The following LIMS2 variants were observed in gnomAD, a reference collection of about 807,000 sequenced individuals.
The protein encoded by LIMS2 is LIM and senescent cell antigen-like-containing domain protein 2.
A neutral mutation model predicts 45.3 loss-of-function variants in LIMS2; 30 were observed. That is an observed-to-expected ratio of 0.66 (90% CI 0.50 to 0.90). The LOEUF (loss-of-function observed/expected upper bound fraction) is 0.90, where lower values mean the gene tolerates loss of function less well. Ranked by LOEUF, LIMS2 falls within the 40% of genes least tolerant of loss-of-function variation. LIMS2 has a pLI of 0.00. For missense variants in LIMS2, 485 were observed against 468.7 expected, an observed-to-expected ratio of 1.03 and a Z score of -0.32; for synonymous variants, 173 against 188.0, an observed-to-expected ratio of 0.92 and a Z score of 0.65.
chr2:127,664,469 GGCC>G lies in LIMS2; in HGVS notation c.12-6910_12-6908del. 1 of 1,179,080 alleles carries G rather than the reference GGCC, an allele frequency of 8.5e-7. No individual in the cohort carries two copies. The highest frequency in any genetic ancestry group is 1.0e-6 in the Non-Finnish European group (1 of 954,186). 73.0% of individuals were successfully genotyped at this position (1,179,080 alleles called of 1,614,324 possible). On this transcript the variant is annotated intron_variant, in intron 1 of 9. Transcript: ENST00000355119. This position sits in a 1 kb window ranked among gnomAD's most constrained non-coding sequence, Gnocchi z 5.5. ...TGGGACCACCTCGGAGGGGAGGCGC[GGCC>G]GCCTGGGGCCAGACACCAAGACGGG...
chr2:127,674,660 G>C (rs1234434462), intron 1 of LIMS2: 3 of 984,270 alleles, frequency 3.0e-6, no homozygotes, highest in Non-Finnish European at 3.6e-6. Context: ...GGGGAAGTTG[G>C]GGGAGGCACG....
upstream of LIMS2, among the ~76,000 whole-genome samples, chr2:127,677,507 G>C (rs543561068): frequency 1.3e-5 from 2 of 152,060 alleles, no homozygotes; most frequent in Non-Finnish European, 2.9e-5. This position sits in a 1 kb window ranked among gnomAD's most constrained non-coding sequence, Gnocchi z 5.0. Flanking sequence ...AAAGCATTCC[G>C]GCAGAACAGC....
chr2:127,662,462 G>C (rs1684731587), intron 1 of LIMS2, among the ~76,000 whole-genome samples: 1 of 151,996 alleles, frequency 6.6e-6, no homozygotes, highest in Non-Finnish European at 1.5e-5. Flanking sequence ...CCAGAGGCCA[G>C]TGTCGGGTCA....
In LIMS2 at chr2:127,642,101, C is replaced by G. The variant is rs779326413; in HGVS notation, c.608G>C (p.Arg203Pro). The G allele has an allele frequency of 6.2e-7, 1 of 1,608,996 alleles. No homozygotes were observed. The highest frequency in any genetic ancestry group is 1.3e-5 in the African/African-American group (1 of 74,852). The change falls in exon 6 of 10, where the codon CGG becomes CCG. Residue 203 changes from arginine to proline, a missense_variant. Physicochemically the swap from Arg to Pro is moderately radical, Grantham distance 103. Coordinates refer to ENST00000355119, the MANE Select transcript of LIMS2 (RefSeq NM_001161403.3). This position sits in a 1 kb window ranked among gnomAD's most constrained non-coding sequence, Gnocchi z 5.3. ...GTTGACCACTCGGCCCTCGATGGGCCGGCGGCAGGCCCCGCAGATGGGGAC... is the reference window on the plus strand; with the variant it reads ...GTTGACCACTCGGCCCTCGATGGGCGGGCGGCAGGCCCCGCAGATGGGGAC... ...MGVPICGACR[R>P]PIEGRVVNAL... is the part of the protein sequence containing the mutation.
At chr2:127,649,296 C>T (rs1347857265) in intron 4 of LIMS2, among the ~76,000 whole-genome samples, 2 of 152,148 alleles carry the variant, frequency 1.3e-5, no homozygotes, top group Non-Finnish European at 2.9e-5. Flanking sequence ...AGGATGAGGA[C>T]CCTGCCAGGG....
chr2:127,673,914 GC>G (rs1389376107), intron 1 of LIMS2: 2 of 617,668 alleles, frequency 3.2e-6, no homozygotes, highest in Non-Finnish European at 5.8e-6. Context: ...CTGGGCCAAG[GC>G]TTAGAGGTGA....
rs1683983084 is a variant in LIMS2, at chr2:127,653,252, CAGAG to C, written c.359+1168_359+1171del. Among the ~76,000 whole-genome samples the C allele has an allele frequency of 6.6e-6, 1 of 152,150 alleles. No individual in the cohort carries two copies. The highest frequency in any genetic ancestry group is 2.4e-5 in the African/African-American group (1 of 41,442). On this transcript the variant is annotated intron_variant, in intron 4 of 9. Transcript: ENST00000355119. The surrounding 1 kb of genome is among the most constrained non-coding windows in gnomAD (Gnocchi z 5.3). ...TGCGGGAGGGAGCAGAGTGCCCGGA[CAGAG>C]AGAGTGTGGCAGGGGAAGCATGGCT...
intron 1 of LIMS2, among the ~76,000 whole-genome samples, chr2:127,663,974 G>T (rs1452972334): frequency 6.6e-6 from 1 of 152,166 alleles, no homozygotes; most frequent in Non-Finnish European, 1.5e-5. Flanking sequence ...AGTCCAGCAG[G>T]TGTCTGCTCT....
intron 4 of LIMS2, chr2:127,648,330 T>G: frequency 2.7e-6 from 1 of 369,784 alleles, no homozygotes. Context: ...GTAATATTAT[T>G]AGGTAGTTGC....
At chr2:127,673,147 CACCTT>C (rs1685344965) in intron 1 of LIMS2, among the ~76,000 whole-genome samples, 1 of 152,194 alleles carries the variant, frequency 6.6e-6, no homozygotes, top group African/African-American at 2.4e-5. Context: ...GCAGCAGGGT[CACCTT>C]TGAAGGAGCG....
At chr2:127,674,789 G>A (rs536320684) in intron 1 of LIMS2, 73 of 985,422 alleles carry the variant, frequency 7.4e-5, no homozygotes, top group Non-Finnish European at 8.4e-5. Flanking sequence ...CGGGTGGGCA[G>A]GAGCTCCACC....
intron 4 of LIMS2, chr2:127,652,647 T>G (rs1300773552): frequency 1.3e-5 from 2 of 159,976 alleles, no homozygotes; most frequent in East Asian, 3.8e-4. Flanking sequence ...CTACACAGGT[T>G]GTTATGTTTG....
At chr2:127,669,260 T>G (rs1685174878) in intron 1 of LIMS2, among the ~76,000 whole-genome samples, 1 of 152,194 alleles carries the variant, frequency 6.6e-6, no homozygotes, top group African/African-American at 2.4e-5. Context: ...ATGTTTTCAT[T>G]TCATGAGCCA....
chr2:127,640,488 C>T (rs984156537), intron 7 of LIMS2, 170 bp from the exon 8 acceptor site: 2 of 693,520 alleles, frequency 2.9e-6, no homozygotes, highest in Admixed American at 2.4e-5. Flanking sequence ...CCCATGAGAA[C>T]CACCCTTCCG....
At chr2:127,669,984 C>A (rs773201788) in intron 1 of LIMS2, among the ~76,000 whole-genome samples, 6 of 152,300 alleles carry the variant, frequency 3.9e-5, no homozygotes, top group Middle Eastern at 3.4e-3. Flanking sequence ...TAACAAGCAT[C>A]AGCAAGGATG....
intron 1 of LIMS2, chr2:127,673,557 C>T: frequency 9.7e-7 from 1 of 1,029,334 alleles, no homozygotes; most frequent in Non-Finnish European, 1.5e-6. Flanking sequence ...GACTCAGGGG[C>T]AAGAGGACCC....
intron 1 of LIMS2, among the ~76,000 whole-genome samples, chr2:127,681,135 A>G (rs11893824): frequency 0.37 from 56,702 of 152,108 alleles, 11,749 homozygotes; most frequent in African/African-American, 0.55. Context: ...GTGCGGCCAC[A>G]GTGGGCTGAA....
chr2:127,657,897 A>G (rs1684370097), intron 1 of LIMS2, among the ~76,000 whole-genome samples: 1 of 152,208 alleles, frequency 6.6e-6, no homozygotes, highest in Non-Finnish European at 1.5e-5. Flanking sequence ...AGCTACTATT[A>G]TTATGGCCTC....
Position 127,664,561 on chromosome 2 carries a change from A to G in LIMS2, c.12-6999T>C. 8.7e-6 allele frequency: 10 copies of G among 1,146,844 alleles called. No individual in the cohort carries two copies. Among genetic ancestry groups the G allele is most frequent in the Non-Finnish European group, 1.1e-5 (10 of 934,022 alleles). The allele number at this position is 1,146,844 out of a possible 1,614,324, so 71.0% of individuals were successfully genotyped here. On this transcript the variant is annotated intron_variant, in intron 1 of 9. Transcript: ENST00000355119. This position sits in a 1 kb window ranked among gnomAD's most constrained non-coding sequence, Gnocchi z 5.5. ...TCACGTTACGCGCTGGGATCTCCAA[A>G]GGGCAGCAGAGTCAACTCCAAATAG...
Sources: gnomAD v4.1 joint callset for allele counts (sites outside exome capture counted in the v4.1 genomes callset) on GRCh38, gnomAD v4.1.1 for gene constraint, Gnocchi (gnomAD v3.1) non-coding constraint, MANE v1.5 for transcripts, NCBI Gene and HGNC (gene_info 2026-07-23, HGNC 2026-07-21) for gene names.